The following CHN2 variants were observed in gnomAD, a reference collection of about 807,000 sequenced individuals.
CHN2 encodes chimerin 2, also known as beta-chimaerin.
In CHN2, 35 loss-of-function variants were observed where a neutral mutation model predicts 56.3. That is an observed-to-expected ratio of 0.62 (90% CI 0.47 to 0.82). The LOEUF is 0.82. Ranked by LOEUF, CHN2 falls within the 40% of genes least tolerant of loss-of-function variation. The pLI is 0.00. For synonymous variants in CHN2, 210 were observed against 212.8 expected (o/e 0.99, Z 0.12); for missense variants, 491 against 580.5 (o/e 0.85, Z 1.58).
chr7:29,447,556 G>C (rs1035478081), intron 6 of CHN2, among the ~76,000 whole-genome samples: 3 of 152,144 alleles, frequency 2.0e-5, no homozygotes, highest in Non-Finnish European at 4.4e-5. Flanking sequence ...TTCTAAATTT[G>C]ATGAAAGCTG....
intron 6 of CHN2, among the ~76,000 whole-genome samples, chr7:29,470,375 G>A (rs986248753): frequency 1.3e-5 from 2 of 152,202 alleles, no homozygotes; most frequent in African/African-American, 4.8e-5. Flanking sequence ...ATATTGAGCA[G>A]TATCAGCTGC....
intron 6 of CHN2, among the ~76,000 whole-genome samples, chr7:29,436,050 T>G (rs1299043341): frequency 6.6e-6 from 1 of 152,192 alleles, no homozygotes; most frequent in Non-Finnish European, 1.5e-5. Context: ...ACATCTGCCC[T>G]GTAAACACAA....
intron 2 of CHN2, among the ~76,000 whole-genome samples, chr7:29,165,227 GT>G (rs150550267): frequency 0.031 from 4,664 of 152,042 alleles, 258 homozygotes; most frequent in African/African-American, 0.1. Flanking sequence ...ATGTTTTATG[GT>G]TTTTGATATA....
At chr7:29,319,160 C>T (rs887035040) in intron 1 of CHN2, among the ~76,000 whole-genome samples, 9 of 152,176 alleles carry the variant, frequency 5.9e-5, no homozygotes, top group African/African-American at 2.2e-4. Context: ...ATTTAAAAGC[C>T]ATTGTCTACC....
chr7:29,483,855 C>CCA, intron 7 of CHN2: 1 of 1,298,078 alleles, frequency 7.7e-7, no homozygotes, highest in South Asian at 1.3e-5. Flanking sequence ...GTACTCCTGG[C>CCA]CACACCATGT....
chr7:29,354,521 G>A (rs112119075), intron 1 of CHN2, 104 bp from the exon 2 acceptor site: 25 of 969,810 alleles, frequency 2.6e-5, no homozygotes, highest in African/African-American at 1.3e-4. Context: ...CCTGAGACCC[G>A]CATGCAAGTA....
At chr7:29,437,150 T>C (rs974900837) in intron 6 of CHN2, among the ~76,000 whole-genome samples, 1 of 152,170 alleles carries the variant, frequency 6.6e-6, no homozygotes, top group East Asian at 1.9e-4. Flanking sequence ...CAGTATTTTA[T>C]TGCCATATTC....
chr7:29,195,668 G>A (rs985845386), intron 1 of CHN2, among the ~76,000 whole-genome samples: 5 of 151,326 alleles, frequency 3.3e-5, no homozygotes, highest in Non-Finnish European at 5.9e-5. Context: ...GAGAGAGAGA[G>A]ACTCCTTAGA....
chr7:29,190,365 T>G (rs138587395), upstream of CHN2, among the ~76,000 whole-genome samples: 2 of 152,292 alleles, frequency 1.3e-5, no homozygotes, highest in East Asian at 3.9e-4. Flanking sequence ...AATACAGTAT[T>G]TCATTCTGTG....
At position 29,509,300 on chromosome 7, in the gene CHN2, GA is replaced by G. The variant is rs774952982; in HGVS notation, c.1132del (p.Ile378SerfsTer15). ...ATACCCATCATGCGTGAACTTCACA[GA>G]AATCTCCAATGCAGATGAGAGGCTG... Reference protein sequence around the residue: ...DTYSKFIDAAKISNADERLEA... With the variant: ...DTYSKFIDAAXISNADERLEA... On this transcript the variant is annotated frameshift_variant and splice_region_variant, in exon 12 of 13. Transcript: ENST00000222792. LOFTEE classifies it high-confidence loss of function. 5 of 1,612,436 alleles carry G rather than the reference GA, an allele frequency of 3.1e-6. No homozygotes were observed. In the South Asian group the frequency reaches 5.5e-5, roughly 18 times the overall value.
At chr7:29,415,495 T>TA (rs55719273) in intron 6 of CHN2, among the ~76,000 whole-genome samples, 18,189 of 152,080 alleles carry the variant, frequency 0.12, 1,179 homozygotes, top group East Asian at 0.22. Context: ...AATGGAGTCC[T>TA]AAAAACAAAA....
At chr7:29,175,619 TATCTTTGTAGATTACCA>T (rs1797213141) in intron 2 of CHN2, among the ~76,000 whole-genome samples, 1 of 152,170 alleles carries the variant, frequency 6.6e-6, no homozygotes, top group Admixed American at 6.5e-5. Flanking sequence ...TTTTTCCTCT[TATCTTTGTAGATTACCA>T]ATCTTGAGTA....
Position 29,454,856 on chromosome 7 carries a change from T to C in CHN2, c.577-25423T>C, listed in dbSNP as rs141754877. On this transcript the variant is annotated intron_variant, in intron 6 of 12. Coordinates refer to ENST00000222792, the MANE Select transcript of CHN2 (RefSeq NM_004067.4). ...TGAATTTTACTGTATCTAAAGTATG[T>C]GTCAACAGTTCTGACTTTTTAAAAA... Among the ~76,000 whole-genome samples, 821 of 152,034 alleles carry C rather than the reference T, an allele frequency of 5.4e-3. 4 individuals carry two copies. The highest frequency in any genetic ancestry group is 0.019 in the African/African-American group (769 of 41,302).
chr7:29,482,306 A>T (rs1459092546), intron 7 of CHN2, among the ~76,000 whole-genome samples: 1 of 152,202 alleles, frequency 6.6e-6, no homozygotes, highest in Non-Finnish European at 1.5e-5. Flanking sequence ...GTGACAGTTG[A>T]TTGTGGCATT....
rs756763256 is a variant in CHN2, at chr7:29,483,946, C to T, written c.654+3590C>T. 3.1e-5 allele frequency: 37 copies of T among 1,193,984 alleles called. No homozygotes were observed. The African/African-American group carries it at 4.6e-4, about 15-fold the overall frequency. The allele number at this position is 1,193,984 out of a possible 1,614,324, so 74.0% of individuals were successfully genotyped here. A position where few individuals can be genotyped will look rare whatever the true frequency, so the allele number is the denominator to read the frequency against. On this transcript the variant is annotated intron_variant, in intron 7 of 12. Coordinates refer to ENST00000222792, the MANE Select transcript of CHN2 (RefSeq NM_004067.4). ...TGTTGGGAGGTTTAAAGAATACATG[C>T]GAGTCACTTATCGTGGTCTCTGGCA...
chr7:29,235,093 A>G (rs189429025), intron 1 of CHN2, among the ~76,000 whole-genome samples: 68 of 152,314 alleles, frequency 4.5e-4, no homozygotes, highest in Middle Eastern at 3.4e-3. Context: ...CAAGGCACTT[A>G]TAGTCTTATT....
intron 1 of CHN2, among the ~76,000 whole-genome samples, chr7:29,259,569 A>G (rs1168843398): frequency 1.3e-5 from 2 of 152,286 alleles, no homozygotes; most frequent in Admixed American, 6.5e-5. Flanking sequence ...CACATCTTTT[A>G]TATTGGTACT....
intron 2 of CHN2, among the ~76,000 whole-genome samples, chr7:29,362,212 G>A (rs1041719251): frequency 6.6e-5 from 10 of 152,184 alleles, no homozygotes; most frequent in Non-Finnish European, 1.2e-4. Context: ...GGCTGAGGCT[G>A]AAAACTACAG....
chr7:29,412,349 G>T (rs7789588), intron 6 of CHN2, among the ~76,000 whole-genome samples: 11,549 of 25,132 alleles, frequency 0.46, 1,780 homozygotes, highest in African/African-American at 0.57. Context: ...TTTTTTTTTT[G>T]GGAGACGGAG....
Sources: allele counts gnomAD v4.1 joint callset (sites outside exome capture counted in the v4.1 genomes callset), GRCh38; gene constraint gnomAD v4.1.1; transcripts MANE v1.5; gene names NCBI Gene and HGNC (gene_info 2026-07-23, HGNC 2026-07-21).